Variants in RELN observed in about 807,000 individuals in gnomAD.
RELN encodes reelin.
A neutral mutation model predicts 427.6 loss-of-function variants in RELN; 108 were observed. The ratio of observed to expected loss-of-function variants is 0.25; its 90% CI spans 0.22 to 0.30. RELN has a LOEUF of 0.30. RELN is among the 10% of genes least tolerant of loss of function. The pLI, the probability that RELN is intolerant of heterozygous loss-of-function variation, is 1.00. For missense variants in RELN, 3,715 were observed against 4,302.8 expected (o/e 0.86, Z 3.82); for synonymous variants, 1,524 against 1,513.4 (o/e 1.01, Z -0.16).
intron 17 of RELN, among the ~76,000 whole-genome samples, chr7:103,636,925 A>G (rs1408047187): frequency 2.0e-5 from 3 of 152,218 alleles, no homozygotes; most frequent in African/African-American, 7.2e-5. Context: ...AATATTTAGA[A>G]ACTATTGGAA....
intron 3 of RELN, among the ~76,000 whole-genome samples, chr7:103,797,706 T>A (rs1792343244): frequency 6.6e-6 from 1 of 152,166 alleles, no homozygotes; most frequent in African/African-American, 2.4e-5. Flanking sequence ...AACCCTATTA[T>A]GAACTCATTT....
intron 40 of RELN, among the ~76,000 whole-genome samples, chr7:103,552,838 T>C (rs1318771488): frequency 6.6e-6 from 1 of 152,118 alleles, no homozygotes; most frequent in Non-Finnish European, 1.5e-5. Context: ...ATGTCATCTT[T>C]TATTAGCTAT....
chr7:103,714,312 T>C (rs1789881813), intron 8 of RELN, among the ~76,000 whole-genome samples: 2 of 152,338 alleles, frequency 1.3e-5, no homozygotes, highest in African/African-American at 4.8e-5. Flanking sequence ...CTTGTTTTTA[T>C]TACTCTTATT....
At chr7:103,614,065 C>T (rs982019689) in intron 20 of RELN, among the ~76,000 whole-genome samples, 1 of 152,092 alleles carries the variant, frequency 6.6e-6, no homozygotes, top group Non-Finnish European at 1.5e-5. Context: ...GCTCTGTGAG[C>T]TATTTTGGAA....
At chr7:103,969,549 A>T (rs1355152654) in intron 1 of RELN, among the ~76,000 whole-genome samples, 2 of 152,252 alleles carry the variant, frequency 1.3e-5, no homozygotes, top group Admixed American at 1.3e-4. Flanking sequence ...CTATTAATAA[A>T]TGATACTGGG....
At chr7:103,503,279 T>G (rs760216278) in intron 51 of RELN, 49 bp from the exon 52 acceptor site, 1 of 1,559,984 alleles carries the variant, frequency 6.4e-7, no homozygotes, top group Non-Finnish European at 8.8e-7. Flanking sequence ...TATGATATGA[T>G]TCTTCTCCAA....
intron 28 of RELN, among the ~76,000 whole-genome samples, chr7:103,580,427 T>G (rs1209889690): frequency 6.6e-6 from 1 of 152,156 alleles, no homozygotes; most frequent in Non-Finnish European, 1.5e-5. Context: ...AAAGCTGAGG[T>G]CTAAGAAAAT....
chr7:103,513,214 T>C (rs1829472182), intron 50 of RELN: 2 of 152,252 alleles, frequency 1.3e-5, no homozygotes, highest in Admixed American at 1.3e-4. Context: ...ACTAACTAAC[T>C]CACCCGTCTC....
At chr7:103,588,550 A>C (rs1831332482) in intron 28 of RELN, among the ~76,000 whole-genome samples, 1 of 152,204 alleles carries the variant, frequency 6.6e-6, no homozygotes, top group Non-Finnish European at 1.5e-5. Flanking sequence ...ATCCTGACAC[A>C]ATCAGTATGC....
At chr7:103,530,652 G>T (rs6465927) in intron 46 of RELN, among the ~76,000 whole-genome samples, 2 of 151,962 alleles carry the variant, frequency 1.3e-5, no homozygotes, top group Non-Finnish European at 2.9e-5. Flanking sequence ...GCTTGAATCG[G>T]CAACTCATGT....
At chr7:103,884,291 T>G (rs191755690) in intron 2 of RELN, among the ~76,000 whole-genome samples, 1 of 152,178 alleles carries the variant, frequency 6.6e-6, no homozygotes, top group South Asian at 2.1e-4. Flanking sequence ...TCAAGATGGA[T>G]TAAAGATTTA....
chr7:103,750,024 C>T (rs562393), intron 5 of RELN, among the ~76,000 whole-genome samples: 74,502 of 151,896 alleles, frequency 0.49, 18,459 homozygotes, highest in Non-Finnish European at 0.54. Context: ...CTGTTGCCCA[C>T]GCTGCAGTGC....
At chr7:103,775,164 C>T (rs79891828) in intron 4 of RELN, among the ~76,000 whole-genome samples, 5,752 of 152,126 alleles carry the variant, frequency 0.038, 390 homozygotes, top group African/African-American at 0.13. Flanking sequence ...ATGTTCACTG[C>T]TATGTGGTGT....
At chr7:103,884,218 T>A (rs1794673570) in intron 2 of RELN, among the ~76,000 whole-genome samples, 1 of 152,186 alleles carries the variant, frequency 6.6e-6, no homozygotes, top group African/African-American at 2.4e-5. Flanking sequence ...TTGGAAAAAC[T>A]GGCTAACTAT....
At chr7:103,630,790 A>G (rs1432312573) in intron 19 of RELN, among the ~76,000 whole-genome samples, 2 of 152,022 alleles carry the variant, frequency 1.3e-5, no homozygotes, top group African/African-American at 2.4e-5. Context: ...TCAAAGTACA[A>G]TTAAACACCA....
chr7:103,700,496 G>T (rs1834067175), intron 9 of RELN, among the ~76,000 whole-genome samples: 1 of 152,072 alleles, frequency 6.6e-6, no homozygotes, highest in South Asian at 2.1e-4. Context: ...GATGTAAAAG[G>T]CCCTGTGGCT....
chr7:103,593,618 C>T, intron 27 of RELN, 64 bp downstream of exon 27: 1 of 1,381,610 alleles, frequency 7.2e-7, no homozygotes, highest in East Asian at 2.3e-5. Context: ...GTGAGTTCCA[C>T]TTATACATCT....
At chr7:103,925,126 T>C (rs1486825069) in intron 1 of RELN, among the ~76,000 whole-genome samples, 1 of 152,082 alleles carries the variant, frequency 6.6e-6, no homozygotes, top group Non-Finnish European at 1.5e-5. Context: ...CTTGGAGACA[T>C]AGGTCAGAAT....
intron 22 of RELN, among the ~76,000 whole-genome samples, chr7:103,606,558 T>C (rs1418808116): frequency 6.6e-6 from 1 of 152,188 alleles, no homozygotes; most frequent in East Asian, 1.9e-4. Flanking sequence ...CCTCTGCTGG[T>C]ACGTTGACCA....
Sources: gnomAD v4.1 joint callset for allele counts (sites outside exome capture counted in the v4.1 genomes callset) on GRCh38, gnomAD v4.1.1 for gene constraint, MANE v1.5 for transcripts, NCBI Gene and HGNC (gene_info 2026-07-23, HGNC 2026-07-21) for gene names.